Variants in KIRREL3 observed in about 807,000 individuals in gnomAD.
KIRREL3 encodes the protein kirre like nephrin family adhesion molecule 3.
Under a neutral mutation model 89.7 loss-of-function variants are expected in KIRREL3, and 36 were observed. The ratio of observed to expected loss-of-function variants is 0.40; its 90% CI spans 0.31 to 0.53. The LOEUF (loss-of-function observed/expected upper bound fraction) is 0.53. Ranked by LOEUF, KIRREL3 falls within the 20% of genes least tolerant of loss-of-function variation. The pLI is 0.49. For synonymous variants in KIRREL3, 445 were observed against 441.4 expected (o/e 1.01, Z -0.10); for missense variants, 864 against 1,056.6 (o/e 0.82, Z 2.53).
At chr11:126,453,875 G>A (rs1310692206) in intron 7 of KIRREL3, among the ~76,000 whole-genome samples, 2 of 152,110 alleles carry the variant, frequency 1.3e-5, no homozygotes, top group African/African-American at 4.8e-5. Flanking sequence ...AGGGCACCCT[G>A]CCCTCCCTGC....
At chr11:126,910,716 C>T (rs149795383) in intron 1 of KIRREL3, among the ~76,000 whole-genome samples, 95 of 152,344 alleles carry the variant, frequency 6.2e-4, no homozygotes, top group African/African-American at 2.2e-3. Context: ...AGGGTTCAAA[C>T]CCCAACAAAC....
intron 1 of KIRREL3, among the ~76,000 whole-genome samples, chr11:126,593,707 T>A (rs756442928): frequency 2.6e-5 from 4 of 152,192 alleles, no homozygotes; most frequent in African/African-American, 9.7e-5. Flanking sequence ...ATTCCTTAAT[T>A]CTGAGTGAAC....
intron 1 of KIRREL3, among the ~76,000 whole-genome samples, chr11:126,952,173 G>A (rs1208561996): frequency 6.6e-6 from 1 of 152,140 alleles, no homozygotes; most frequent in Non-Finnish European, 1.5e-5. Flanking sequence ...ATCACCTGAG[G>A]TCAGGAGTTC....
At chr11:126,735,193 A>C (rs73573438) in intron 1 of KIRREL3, among the ~76,000 whole-genome samples, 27,917 of 152,130 alleles carry the variant, frequency 0.18, 2,671 homozygotes, top group African/African-American at 0.2. Context: ...AAAAGTTGTA[A>C]AATGTGCTTC....
intron 1 of KIRREL3, among the ~76,000 whole-genome samples, chr11:126,871,732 G>A (rs1410264425): frequency 3.3e-5 from 5 of 152,226 alleles, no homozygotes; most frequent in Non-Finnish European, 7.3e-5. Context: ...AAAGGAGCTT[G>A]TCTTTCTTGG....
chr11:126,911,962 G>A (rs1004749916), intron 1 of KIRREL3, among the ~76,000 whole-genome samples: 15 of 125,628 alleles, frequency 1.2e-4, no homozygotes, highest in African/African-American at 2.8e-4. Context: ...CAGCCTGGGC[G>A]ACAGAGCGAG....
Position 126,764,664 on chromosome 11 carries a change from T to C in KIRREL3, c.56-201752A>G, listed in dbSNP as rs935107580. ...AATCTTTGGTTAGCACATGCACACGTGGGCACGTGCAAACTCTCTCAGTGT... is the reference window on the plus strand; with the variant it reads ...AATCTTTGGTTAGCACATGCACACGCGGGCACGTGCAAACTCTCTCAGTGT... On this transcript the variant is annotated intron_variant, in intron 1 of 16. Transcript: ENST00000525144. The surrounding 1 kb of genome is among the most constrained non-coding windows in gnomAD (Gnocchi z 4.2). Among the ~76,000 whole-genome samples, 1 of 152,228 alleles carries C rather than the reference T, an allele frequency of 6.6e-6. No homozygotes were observed. The highest frequency in any genetic ancestry group is 2.4e-5 in the African/African-American group (1 of 41,464).
At chr11:126,746,515 C>T (rs1289303691) in intron 1 of KIRREL3, among the ~76,000 whole-genome samples, 1 of 152,164 alleles carries the variant, frequency 6.6e-6, no homozygotes, top group Non-Finnish European at 1.5e-5. Context: ...TCTCTACTAG[C>T]ATATGCTGCG....
Position 126,456,411 on chromosome 11 carries a change from C to T in KIRREL3, c.786G>A (p.Leu262=), listed in dbSNP as rs1256325416. 23 of 1,571,766 alleles carry T rather than the reference C, an allele frequency of 1.5e-5. No individual in the cohort carries two copies. Among genetic ancestry groups the T allele is most frequent in the Non-Finnish European group, 1.5e-5 (17 of 1,159,594 alleles). The part of the protein sequence containing the change: ...VNLSVEPQPV[L]EDNVVTFHCS... The stretch of plus-strand genomic sequence containing the variant: ...AGTGGAAAGTGACGACGTTGTCCTC[C>T]AGCACTGGCTGTGGCTCCACCGAGA... Residue 262 remains leucine (L), a synonymous_variant, in exon 7 of 17, where the codon CTG becomes CTA. Transcript: ENST00000525144.
In KIRREL3 at chr11:126,981,361, G is replaced by A. The variant is rs1949713592; in HGVS notation, c.55+19094C>T. On this transcript the variant is annotated intron_variant, in intron 1 of 16. Coordinates refer to ENST00000525144, the MANE Select transcript of KIRREL3 (RefSeq NM_032531.4). This position sits in a 1 kb window ranked among gnomAD's most constrained non-coding sequence, Gnocchi z 4.2. The stretch of plus-strand genomic sequence containing the variant: ...TTTCTTATGAGACCCTGAAGAAGGA[G>A]GCTGATGGCCATTGGGCCCACTGAC... Among the ~76,000 whole-genome samples, 1 of 152,182 alleles carries A rather than the reference G, an allele frequency of 6.6e-6. No individual in the cohort carries two copies. Among genetic ancestry groups the A allele is most frequent in the Non-Finnish European group, 1.5e-5 (1 of 68,034 alleles).
At position 126,682,842 on chromosome 11, in the gene KIRREL3, C is replaced by G. The variant is rs1477228608; in HGVS notation, c.56-119930G>C. Among the ~76,000 whole-genome samples, 1 of 152,174 alleles carries G rather than the reference C, an allele frequency of 6.6e-6. No homozygotes were observed. The highest frequency in any genetic ancestry group is 1.5e-5 in the Non-Finnish European group (1 of 68,036). On this transcript the variant is annotated intron_variant, in intron 1 of 16. Transcript: ENST00000525144. The surrounding 1 kb of genome is among the most constrained non-coding windows in gnomAD (Gnocchi z 4.8). ...TCCTGCTGTGTAGTCTGGTTCCTAACAGGCTGAGGACCGGTACCCCGGGGC... is the reference window on the plus strand; with the variant it reads ...TCCTGCTGTGTAGTCTGGTTCCTAAGAGGCTGAGGACCGGTACCCCGGGGC...
Position 126,562,959 on chromosome 11 carries a change from G to T in KIRREL3, c.56-47C>A. 1 of 1,475,604 alleles carries T rather than the reference G, an allele frequency of 6.8e-7. No individual in the cohort carries two copies. The allele number at this position is 1,475,604 out of a possible 1,614,324, so 91.4% of individuals were successfully genotyped here. A position where few individuals can be genotyped will look rare whatever the true frequency, so the allele number is the denominator to read the frequency against. Reference sequence around the variant, plus strand: ...GTGAGTTGGGAATGGGAACAGGTCAGGCATTGTTGGGGGGCCCTCTGCAGG... The same window carrying T: ...GTGAGTTGGGAATGGGAACAGGTCATGCATTGTTGGGGGGCCCTCTGCAGG... On this transcript the variant is annotated intron_variant, in intron 1 of 16. Transcript: ENST00000525144. The surrounding 1 kb of genome is among the most constrained non-coding windows in gnomAD (Gnocchi z 4.7).
At chr11:126,602,901 G>C (rs1437757921) in intron 1 of KIRREL3, among the ~76,000 whole-genome samples, 1 of 152,176 alleles carries the variant, frequency 6.6e-6, no homozygotes, top group Non-Finnish European at 1.5e-5. Context: ...AGCACAGCAG[G>C]GCAAGGGGCA....
chr11:126,446,642 C>A, intron 9 of KIRREL3, 117 bp downstream of exon 9: 1 of 1,167,444 alleles, frequency 8.6e-7, no homozygotes, highest in Non-Finnish European at 1.2e-6. Context: ...CTGTGGCTTA[C>A]ACTGGAGGCT....
chr11:126,548,413 A>G (rs1183607560), intron 2 of KIRREL3, among the ~76,000 whole-genome samples: 1 of 151,832 alleles, frequency 6.6e-6, no homozygotes, highest in Non-Finnish European at 1.5e-5. Flanking sequence ...GGGAGACAAC[A>G]CCCTCACCCA....
intron 1 of KIRREL3, among the ~76,000 whole-genome samples, chr11:126,998,830 G>A (rs1176199923): frequency 1.3e-5 from 2 of 152,064 alleles, no homozygotes; most frequent in African/African-American, 4.8e-5. Context: ...TGTGTTTACG[G>A]GGGGTTGGTT....
chr11:126,735,554 A>G (rs1190976419), intron 1 of KIRREL3, among the ~76,000 whole-genome samples: 1 of 152,222 alleles, frequency 6.6e-6, no homozygotes, highest in Non-Finnish European at 1.5e-5. Context: ...TATGATCTCA[A>G]TAATGTGCGT....
rs1945852718 is a variant in KIRREL3, at chr11:126,669,787, C to T, written c.56-106875G>A. Among the ~76,000 whole-genome samples the T allele has an allele frequency of 6.6e-6, 1 of 152,228 alleles. No individual in the cohort carries two copies. Among genetic ancestry groups the T allele is most frequent in the Admixed American group, 6.5e-5 (1 of 15,284 alleles). On this transcript the variant is annotated intron_variant, in intron 1 of 16. Coordinates refer to ENST00000525144, the MANE Select transcript of KIRREL3 (RefSeq NM_032531.4). This position sits in a 1 kb window ranked among gnomAD's most constrained non-coding sequence, Gnocchi z 5.0. Reference sequence around the variant, plus strand: ...TGATTTTTTAAATTATAAATCCAGTCTTGACCTATCCCTTGGGCTAAAGAT... The same window carrying T: ...TGATTTTTTAAATTATAAATCCAGTTTTGACCTATCCCTTGGGCTAAAGAT...
chr11:126,489,678 C>T lies in KIRREL3; in HGVS notation c.434-16212G>A, dbSNP rs1043168678. Among the ~76,000 whole-genome samples, 1 of 152,146 alleles carries T rather than the reference C, an allele frequency of 6.6e-6. No individual in the cohort carries two copies. Among genetic ancestry groups the T allele is most frequent in the African/African-American group, 2.4e-5 (1 of 41,426 alleles). On this transcript the variant is annotated intron_variant, in intron 4 of 16. Coordinates refer to ENST00000525144, the MANE Select transcript of KIRREL3 (RefSeq NM_032531.4). The surrounding 1 kb of genome is among the most constrained non-coding windows in gnomAD (Gnocchi z 5.5). Reference sequence around the variant, plus strand: ...CGTGCCCCTTCCCCTCTGCATTCCCCACTCTCCACCTTCCACCACCCCTTT... The same window carrying T: ...CGTGCCCCTTCCCCTCTGCATTCCCTACTCTCCACCTTCCACCACCCCTTT...
Sources: gnomAD v4.1 joint callset for allele counts (sites outside exome capture counted in the v4.1 genomes callset) on GRCh38, gnomAD v4.1.1 for gene constraint, Gnocchi (gnomAD v3.1) non-coding constraint, MANE v1.5 for transcripts, NCBI Gene and HGNC (gene_info 2026-07-23, HGNC 2026-07-21) for gene names.